Variants in PTPRO observed in about 807,000 individuals in gnomAD.
PTPRO encodes the protein protein tyrosine phosphatase receptor type O.
A neutral mutation model predicts 145.2 loss-of-function variants in PTPRO; 62 were observed. The observed-to-expected ratio is 0.43, with a 90% CI of 0.35 to 0.53. The LOEUF (loss-of-function observed/expected upper bound fraction) is 0.53, where lower values mean the gene tolerates loss of function less well. Among genes scored for constraint, PTPRO ranks in the 20% least tolerant of loss-of-function variants. The pLI, the probability that PTPRO is intolerant of heterozygous loss-of-function variation, is 0.01. For missense variants in PTPRO, 1,345 were observed against 1,482.7 expected (o/e 0.91, Z 1.53); for synonymous variants, 565 against 514.7 (o/e 1.10, Z -1.32).
intron 1 of PTPRO, among the ~76,000 whole-genome samples, chr12:15,423,426 A>T (rs543123249): frequency 6.6e-6 from 1 of 152,302 alleles, no homozygotes; most frequent in African/African-American, 2.4e-5. Context: ...TCCATATTTA[A>T]TTATAGTTTA....
At chr12:15,370,656 T>C (rs945929448) in intron 1 of PTPRO, among the ~76,000 whole-genome samples, 4 of 152,082 alleles carry the variant, frequency 2.6e-5, no homozygotes, top group African/African-American at 9.7e-5. Context: ...CCATAAAACA[T>C]TTTTGCAAAT....
chr12:15,440,344 C>T (rs1591813848), intron 1 of PTPRO: 2 of 443,786 alleles, frequency 4.5e-6, no homozygotes, highest in East Asian at 1.0e-4. Context: ...AGCACTTCTT[C>T]AAGACCCACA....
chr12:15,512,224 G>A (rs901479180), intron 7 of PTPRO, among the ~76,000 whole-genome samples: 3 of 151,990 alleles, frequency 2.0e-5, no homozygotes, highest in African/African-American at 7.2e-5. Context: ...AAGCGATTCT[G>A]TTGCCTCAAC....
intron 1 of PTPRO, among the ~76,000 whole-genome samples, chr12:15,397,442 T>C (rs1316456332): frequency 6.6e-6 from 1 of 152,190 alleles, no homozygotes; most frequent in Non-Finnish European, 1.5e-5. Context: ...GCCCCTACTT[T>C]GGACTGACAG....
chr12:15,430,682 A>G (rs1940411650), intron 1 of PTPRO, among the ~76,000 whole-genome samples: 1 of 152,156 alleles, frequency 6.6e-6, no homozygotes, highest in Admixed American at 6.5e-5. Context: ...TAGTAACAAT[A>G]TATTATACAC....
intron 19 of PTPRO, among the ~76,000 whole-genome samples, chr12:15,573,410 G>A (rs1944105195): frequency 6.6e-6 from 1 of 152,122 alleles, no homozygotes; most frequent in Non-Finnish European, 1.5e-5. Flanking sequence ...ACTGGTGTTT[G>A]GCCAAGCAAC....
rs552761289 is a variant in PTPRO at position 15,347,541 on chromosome 12, T to G, written c.75+24740T>G. On this transcript the variant is annotated intron_variant, in intron 1 of 26. Transcript: ENST00000281171. ...TTACCTATCTGTTACTCTGTAAGCC[T>G]TCTAAGGGAGGGACCATGTTTAATT... Among the ~76,000 whole-genome samples, 6 of 152,316 alleles carry G rather than the reference T, an allele frequency of 3.9e-5. No homozygotes were observed. The South Asian group carries it at 1.2e-3, about 32-fold the overall frequency.
intron 1 of PTPRO, among the ~76,000 whole-genome samples, chr12:15,367,324 A>G (rs7968226): frequency 0.2 from 29,972 of 152,208 alleles, 7,393 homozygotes; most frequent in African/African-American, 0.58. Flanking sequence ...CATAAAGGAA[A>G]GAGTTTAAAA....
Position 15,581,791 on chromosome 12 carries a change from G to A in PTPRO, c.3245G>A (p.Arg1082Gln), listed in dbSNP as rs146574957. The change falls in exon 23 of 27, where the codon CGG becomes CAG. Residue 1082 changes from arginine to glutamine, a missense_variant. Arg to Gln is a conservative substitution (Grantham distance 43, BLOSUM62 1). Transcript: ENST00000281171. ...EQDDWACRHF[R>Q]INYADEMQDV... is the part of the protein sequence containing the mutation. ...GACGACTGGGCCTGTAGACACTTCCGGATCAACTATGTAAGTCACCAGGCA... is the reference window on the plus strand; with the variant it reads ...GACGACTGGGCCTGTAGACACTTCCAGATCAACTATGTAAGTCACCAGGCA... 32 of 1,613,740 alleles carry A rather than the reference G, an allele frequency of 2.0e-5. No individual in the cohort carries two copies. The highest frequency in any genetic ancestry group is 1.5e-4 in the African/African-American group (11 of 74,906).
At chr12:15,450,780 A>T (rs1325994602) in intron 1 of PTPRO, among the ~76,000 whole-genome samples, 1 of 152,060 alleles carries the variant, frequency 6.6e-6, no homozygotes, top group African/African-American at 2.4e-5. Flanking sequence ...CTCAAAAAAA[A>T]TTTTTTTTTA....
intron 17 of PTPRO, among the ~76,000 whole-genome samples, chr12:15,563,593 C>A (rs1943828997): frequency 6.6e-6 from 1 of 151,880 alleles, no homozygotes; most frequent in Non-Finnish European, 1.5e-5. Flanking sequence ...GATAATATGT[C>A]ATACAAAACA....
intron 2 of PTPRO, among the ~76,000 whole-genome samples, chr12:15,492,414 A>G (rs60227047): frequency 0.023 from 3,442 of 152,038 alleles, 149 homozygotes; most frequent in African/African-American, 0.078. Context: ...AATTAGTGGG[A>G]AAAAAAATTG....
chr12:15,413,992 A>G (rs1311097270), intron 1 of PTPRO, among the ~76,000 whole-genome samples: 2 of 152,206 alleles, frequency 1.3e-5, no homozygotes, highest in Non-Finnish European at 2.9e-5. Flanking sequence ...CTAAATAAAT[A>G]TTTCCATTTC....
chr12:15,494,304 T>A (rs1170051849), intron 2 of PTPRO, among the ~76,000 whole-genome samples: 2 of 152,208 alleles, frequency 1.3e-5, no homozygotes, highest in Non-Finnish European at 2.9e-5. Context: ...CAGTCCAGGC[T>A]GGTCATAAGA....
At chr12:15,436,808 C>G (rs1940607759) in intron 1 of PTPRO, among the ~76,000 whole-genome samples, 1 of 152,186 alleles carries the variant, frequency 6.6e-6, no homozygotes, top group South Asian at 2.1e-4. Flanking sequence ...GCCTCCACAG[C>G]CAGAACTGTA....
intron 1 of PTPRO, among the ~76,000 whole-genome samples, chr12:15,455,396 C>T (rs961524623): frequency 3.3e-5 from 5 of 151,602 alleles, no homozygotes; most frequent in African/African-American, 1.2e-4. Flanking sequence ...ACATTTGGGA[C>T]TTTGATAGGA....
chr12:15,553,636 C>T (rs1014837216), intron 15 of PTPRO, among the ~76,000 whole-genome samples: 1 of 152,156 alleles, frequency 6.6e-6, no homozygotes, highest in Non-Finnish European at 1.5e-5. Flanking sequence ...TTGGCTTTTA[C>T]TCAGTAAAAT....
chr12:15,569,940 AG>A (rs765707457), intron 19 of PTPRO, among the ~76,000 whole-genome samples: 1 of 152,150 alleles, frequency 6.6e-6, no homozygotes, highest in Non-Finnish European at 1.5e-5. Flanking sequence ...AACATCCTGG[AG>A]TAGGGCTTTT....
At chr12:15,456,080 C>T (rs1168596178) in intron 1 of PTPRO, among the ~76,000 whole-genome samples, 1 of 152,176 alleles carries the variant, frequency 6.6e-6, no homozygotes, top group Non-Finnish European at 1.5e-5. Context: ...CCATTTTCAG[C>T]ATTGAGTATA....
Sources: gnomAD v4.1 joint callset for allele counts (sites outside exome capture counted in the v4.1 genomes callset) on GRCh38, gnomAD v4.1.1 for gene constraint, MANE v1.5 for transcripts, NCBI Gene and HGNC (gene_info 2026-07-23, HGNC 2026-07-21) for gene names.